Variants in ARID5B observed in about 807,000 individuals in gnomAD.
The protein encoded by ARID5B is AT-rich interactive domain-containing protein 5B.
In ARID5B, 13 loss-of-function variants were observed where a neutral mutation model predicts 97.2. That is an observed-to-expected ratio of 0.13 (90% confidence interval 0.09 to 0.21). ARID5B has a LOEUF of 0.21. Ranked by LOEUF, ARID5B falls within the 10% of genes least tolerant of loss-of-function variation. The pLI, the probability that ARID5B is intolerant of heterozygous loss-of-function variation, is 1.00. For synonymous variants in ARID5B, 556 were observed against 570.3 expected (o/e 0.97, Z 0.36); for missense variants, 1,210 against 1,465.3 (o/e 0.83, Z 2.84).
intron 7 of ARID5B, among the ~76,000 whole-genome samples, chr10:62,064,860 G>A (rs1265414404): frequency 1.3e-5 from 2 of 152,020 alleles, no homozygotes; most frequent in Non-Finnish European, 2.9e-5. Flanking sequence ...TGCATCCTCC[G>A]CCTCCCATAT....
At chr10:61,947,243 T>C (rs1400539048) in intron 3 of ARID5B, among the ~76,000 whole-genome samples, 2 of 151,142 alleles carry the variant, frequency 1.3e-5, no homozygotes, top group Non-Finnish European at 3.0e-5. Context: ...ATTACCAGTA[T>C]ATCTTCTCAC....
intron 3 of ARID5B, among the ~76,000 whole-genome samples, chr10:61,941,064 G>A (rs1286766910): frequency 7.6e-6 from 1 of 131,802 alleles, no homozygotes; most frequent in Non-Finnish European, 1.6e-5. Context: ...GTGCTGATTG[G>A]TGTTTACATA....
intron 7 of ARID5B, among the ~76,000 whole-genome samples, chr10:62,061,375 A>G (rs1839919272): frequency 6.6e-6 from 1 of 152,220 alleles, no homozygotes; most frequent in African/African-American, 2.4e-5. Flanking sequence ...GGGAAAATAT[A>G]TGGAGGTAGA....
At chr10:61,971,687 A>C (rs1564616585) in intron 3 of ARID5B, among the ~76,000 whole-genome samples, 1 of 152,240 alleles carries the variant, frequency 6.6e-6, no homozygotes, top group Non-Finnish European at 1.5e-5. Context: ...TTGTTTCGCC[A>C]GTTTTAACAA....
intron 2 of ARID5B, among the ~76,000 whole-genome samples, chr10:61,902,889 A>G (rs957359040): frequency 6.6e-6 from 1 of 151,956 alleles, no homozygotes; most frequent in African/African-American, 2.4e-5. Flanking sequence ...AAGAGGGCGG[A>G]AATTACGAAA....
At position 62,091,060 on chromosome 10, in the gene ARID5B, G is replaced by A. The variant is rs1191829426; in HGVS notation, c.1597G>A (p.Ala533Thr). Reference sequence around the variant, plus strand: ...CAACAGTGAGAAGGTGGCAGAGGAGGCGGGAGAGAAGGGGCCCACACCTCC... The same window carrying A: ...CAACAGTGAGAAGGTGGCAGAGGAGACGGGAGAGAAGGGGCCCACACCTCC... The part of the protein sequence containing the change: ...GSNSEKVAEE[A>T]GEKGPTPPLP... The change falls in exon 10 of 10, where the codon GCG becomes ACG. Residue 533 changes from alanine to threonine, a missense_variant. Coordinates refer to ENST00000279873, the MANE Select transcript of ARID5B (RefSeq NM_032199.3). 3 of 1,614,012 alleles carry A rather than the reference G, an allele frequency of 1.9e-6. No homozygotes were observed. Among genetic ancestry groups the A allele is most frequent in the Non-Finnish European group, 2.5e-6 (3 of 1,179,982 alleles).
chr10:62,073,369 A>T (rs948732789), intron 8 of ARID5B, among the ~76,000 whole-genome samples: 4 of 152,236 alleles, frequency 2.6e-5, no homozygotes, highest in African/African-American at 9.6e-5. Context: ...CCTCAGTAAA[A>T]TGTTACTTGT....
intron 9 of ARID5B, among the ~76,000 whole-genome samples, chr10:62,088,886 A>C (rs946000986): frequency 2.6e-5 from 4 of 152,238 alleles, no homozygotes; most frequent in African/African-American, 9.7e-5. Context: ...TGCAAGTTGC[A>C]TGGTGGGAAG....
chr10:62,035,605 C>A (rs1839552948), intron 4 of ARID5B, among the ~76,000 whole-genome samples: 1 of 151,984 alleles, frequency 6.6e-6, no homozygotes, highest in Non-Finnish European at 1.5e-5. Flanking sequence ...ATTCTCCTGT[C>A]CCAGCCTCCC....
chr10:61,971,561 G>A (rs1229083517), intron 3 of ARID5B, among the ~76,000 whole-genome samples: 2 of 152,206 alleles, frequency 1.3e-5, no homozygotes, highest in African/African-American at 4.8e-5. Flanking sequence ...TACTCTATTA[G>A]ATATTGCCAT....
rs536379473 is a variant in ARID5B at position 62,006,938 on chromosome 10, G to A, written c.733+6617G>A. On this transcript the variant is annotated intron_variant, in intron 4 of 9. Coordinates refer to ENST00000279873, the MANE Select transcript of ARID5B (RefSeq NM_032199.3). ...GGTACAATAAACTTTTGTTCACGCCGTAAGAAATGATTTGTGTCTATATTG... is the reference window on the plus strand; with the variant it reads ...GGTACAATAAACTTTTGTTCACGCCATAAGAAATGATTTGTGTCTATATTG... 7.0e-4 allele frequency among the ~76,000 whole-genome samples: 107 copies of A among 152,208 alleles called. 1 individual carries two copies. Among genetic ancestry groups the A allele is most frequent in the African/African-American group, 2.4e-3 (100 of 41,532 alleles).
chr10:62,019,380 T>C (rs538483655), intron 4 of ARID5B, among the ~76,000 whole-genome samples: 6 of 152,366 alleles, frequency 3.9e-5, no homozygotes, highest in African/African-American at 1.4e-4. Context: ...TGAAATAACC[T>C]TTCACAACCA....
intron 8 of ARID5B, among the ~76,000 whole-genome samples, chr10:62,083,945 A>G (rs1423453921): frequency 9.2e-5 from 14 of 152,216 alleles, no homozygotes; most frequent in Admixed American, 9.2e-4. Context: ...TATGCTTTTT[A>G]TTATATAAAC....
At chr10:62,055,406 A>G (rs1392779291) in intron 5 of ARID5B, among the ~76,000 whole-genome samples, 2 of 152,178 alleles carry the variant, frequency 1.3e-5, no homozygotes, top group African/African-American at 4.8e-5. Context: ...TTTAAGTTTG[A>G]AATAACACAT....
At chr10:61,923,774 C>A (rs1413650176) in intron 2 of ARID5B, among the ~76,000 whole-genome samples, 2 of 151,998 alleles carry the variant, frequency 1.3e-5, no homozygotes, top group African/African-American at 4.8e-5. Flanking sequence ...GAGCAGGAGA[C>A]TCTGCCTGGG....
chr10:62,040,800 C>T (rs1335366600), intron 4 of ARID5B, among the ~76,000 whole-genome samples: 1 of 152,140 alleles, frequency 6.6e-6, no homozygotes, highest in African/African-American at 2.4e-5. Flanking sequence ...TACACTGCGG[C>T]ACATCTCAAT....
chr10:61,964,899 A>G (rs1838521544), intron 3 of ARID5B, among the ~76,000 whole-genome samples: 1 of 152,242 alleles, frequency 6.6e-6, no homozygotes, highest in Non-Finnish European at 1.5e-5. Flanking sequence ...CTTCTTTACC[A>G]TCACATGTGA....
In ARID5B at chr10:62,091,935, G is replaced by C. The variant is rs780161428; in HGVS notation, c.2472G>C (p.Met824Ile). ...LEKRALPHSH[M>I]PSFLADFYSS... ...AAAGGGCCCTCCCCCATTCCCACATGCCTAGCTTCCTGGCTGACTTCTACT... is the reference window on the plus strand; with the variant it reads ...AAAGGGCCCTCCCCCATTCCCACATCCCTAGCTTCCTGGCTGACTTCTACT... The change falls in exon 10 of 10, where the codon ATG (methionine) becomes ATC (isoleucine). Residue 824 changes from methionine to isoleucine, a missense_variant. By Grantham distance (10) the Met-to-Ile change is conservative (BLOSUM62 1). This residue lies in a region of ARID5B where 800 missense variants were observed against 839.1 expected (regional missense o/e 0.95). Coordinates refer to ENST00000279873, the MANE Select transcript of ARID5B (RefSeq NM_032199.3). The C allele has an allele frequency of 1.9e-6, 3 of 1,613,458 alleles. No individual in the cohort carries two copies. Among genetic ancestry groups the C allele is most frequent in the Non-Finnish European group, 2.5e-6 (3 of 1,179,848 alleles).
chr10:61,984,164 C>G (rs964203443), intron 3 of ARID5B, among the ~76,000 whole-genome samples: 1 of 152,154 alleles, frequency 6.6e-6, no homozygotes, highest in African/African-American at 2.4e-5. Context: ...ATGTGCTTTA[C>G]GTTTTAATTA....
Sources: allele counts gnomAD v4.1 joint callset (sites outside exome capture counted in the v4.1 genomes callset), GRCh38; gene constraint gnomAD v4.1.1; regional missense constraint gnomAD v4.1.1; transcripts MANE v1.5; gene names NCBI Gene and HGNC (gene_info 2026-07-23, HGNC 2026-07-21).